Variants in ANOS1 observed in about 807,000 individuals in gnomAD.
ANOS1 encodes the protein anosmin 1.
ANOS1 carries 6 observed loss-of-function variants against 59.0 expected under a neutral mutation model. That is an observed-to-expected ratio of 0.10 (90% confidence interval 0.06 to 0.20). The LOEUF is 0.20. ANOS1 is among the 10% of genes least tolerant of loss of function. The probability of loss-of-function intolerance (pLI) is 1.00; values close to 1 mark genes in which losing one functional copy is unlikely to be tolerated. For missense variants in ANOS1, 433 were observed against 542.3 expected (o/e 0.80, Z 2.00); for synonymous variants, 217 against 223.4 (o/e 0.97, Z 0.25).
chrX:8,622,326 G>A (rs1339347093), intron 3 of ANOS1, among the ~76,000 whole-genome samples: 3 of 111,923 alleles, frequency 2.7e-5, no homozygotes, highest in African/African-American at 9.8e-5. Context: ...GTATGGGAAA[G>A]GTCAAGTAAG....
chrX:8,549,895 G>A (rs1185514234), intron 9 of ANOS1, among the ~76,000 whole-genome samples: 3 of 111,748 alleles, frequency 2.7e-5, no homozygotes, highest in Non-Finnish European at 5.6e-5. Context: ...GAAGAGTAGG[G>A]GATTGTATTA....
chrX:8,697,568 T>G (rs1184973316), intron 2 of ANOS1, among the ~76,000 whole-genome samples: 1 of 111,765 alleles, frequency 8.9e-6, no homozygotes, highest in Non-Finnish European at 1.9e-5. Flanking sequence ...ACAGGGGCTC[T>G]GAAGGAGGAG....
chrX:8,600,131 G>C (rs755214311), intron 3 of ANOS1, among the ~76,000 whole-genome samples: 20 of 111,914 alleles, frequency 1.8e-4, no homozygotes, highest in Non-Finnish European at 3.2e-4. Context: ...TAAAATATGC[G>C]TAAGAGTTGA....
intron 1 of ANOS1, among the ~76,000 whole-genome samples, chrX:8,724,223 G>A (rs902147492): frequency 8.9e-6 from 1 of 112,142 alleles, no homozygotes; most frequent in Admixed American, 9.5e-5. Flanking sequence ...GAACCGAGTT[G>A]TCTGATCAGA....
intron 6 of ANOS1, among the ~76,000 whole-genome samples, chrX:8,578,126 A>G (rs2018607): frequency 0.41 from 45,300 of 110,219 alleles, 7,382 homozygotes; most frequent in African/African-American, 0.59. Context: ...GAAACGCATC[A>G]TAAGAACACC....
At chrX:8,566,154 C>G in intron 8 of ANOS1, 2 of 753,258 alleles carry the variant, frequency 2.7e-6, no homozygotes, top group Non-Finnish European at 3.1e-6. Flanking sequence ...GATGATGTGA[C>G]TCTCATTCCC....
chrX:8,683,132 T>A (rs1412933312), intron 2 of ANOS1, among the ~76,000 whole-genome samples: 1 of 110,946 alleles, frequency 9.0e-6, no homozygotes, highest in African/African-American at 3.3e-5. Flanking sequence ...ATTGGGGCTA[T>A]GGGATTACCA....
rs1301888455 is a variant in ANOS1 at position 8,536,204 on chromosome X, TTTTTTTTTTTTTA to T, written c.1622-406_1622-394del. Among the ~76,000 whole-genome samples, 207 of 76,908 alleles carry T rather than the reference TTTTTTTTTTTTTA, an allele frequency of 2.7e-3. 7 individuals are homozygous for T. In the South Asian group the frequency reaches 0.036, roughly 13 times the overall value. 66.8% of individuals were successfully genotyped at this position (76,908 alleles called of 115,157 possible). On this transcript the variant is annotated intron_variant, in intron 11 of 13. Transcript: ENST00000262648. ...AATCCGAAGCTTTTTTTTTTTTTTT[TTTTTTTTTTTTTA>T]AAAGGTGAGATCTTGCTATGTTGCC...
chrX:8,635,847 C>A, intron 2 of ANOS1, among the ~76,000 whole-genome samples: 1 of 111,776 alleles, frequency 8.9e-6, no homozygotes, highest in Middle Eastern at 4.6e-3. Context: ...CAAAATAACT[C>A]AAGAATCCTG....
chrX:8,623,745 T>C, intron 2 of ANOS1, 75 bp from the exon 3 acceptor site: 1 of 812,721 alleles, frequency 1.2e-6, no homozygotes, highest in Middle Eastern at 2.8e-4. Flanking sequence ...AATTCACCTG[T>C]GATTGTTGCT....
At chrX:8,558,061 C>T (rs1929975369) in intron 8 of ANOS1, among the ~76,000 whole-genome samples, 1 of 110,209 alleles carries the variant, frequency 9.1e-6, no homozygotes, top group Non-Finnish European at 1.9e-5. Context: ...TCTCAGCAAA[C>T]TAACGCAGGA....
At chrX:8,556,568 C>T (rs1804508928) in intron 8 of ANOS1, among the ~76,000 whole-genome samples, 1 of 111,264 alleles carries the variant, frequency 9.0e-6, no homozygotes, top group Admixed American at 9.5e-5. Context: ...GAGTGAACTC[C>T]CATTCACAGT....
chrX:8,719,138 T>C (rs1932858835), intron 1 of ANOS1, among the ~76,000 whole-genome samples: 2 of 111,973 alleles, frequency 1.8e-5, no homozygotes, highest in Non-Finnish European at 3.8e-5. Flanking sequence ...GGGTGACACA[T>C]GTCAATATAA....
chrX:8,637,010 T>A (rs779779718), intron 2 of ANOS1, among the ~76,000 whole-genome samples: 6 of 112,570 alleles, frequency 5.3e-5, no homozygotes, highest in Non-Finnish European at 7.5e-5. Flanking sequence ...TTGAAATTTG[T>A]ACAACCTCAC....
rs11797001 is a variant in ANOS1, at chrX:8,554,377, C to T, written c.1208-279G>A. Among the ~76,000 whole-genome samples, 3,856 of 110,317 alleles carry T rather than the reference C, an allele frequency of 0.035. 73 individuals are homozygous for T. Among genetic ancestry groups the T allele is most frequent in the Non-Finnish European group, 0.055 (2,900 of 52,794 alleles). ...ACTCCCTCCCCTAGCCAAGGGAAGC[C>T]GTGAGTGAGGGACAGTGCTATCCAG... On this transcript the variant is annotated intron_variant, in intron 8 of 13. Coordinates refer to ENST00000262648, the MANE Select transcript of ANOS1 (RefSeq NM_000216.4).
intron 1 of ANOS1, among the ~76,000 whole-genome samples, chrX:8,723,108 A>G (rs1932886895): frequency 8.9e-6 from 1 of 112,585 alleles, no homozygotes; most frequent in Non-Finnish European, 1.9e-5. Context: ...TAAAAATTCT[A>G]GAAGATAACA....
intron 1 of ANOS1, among the ~76,000 whole-genome samples, chrX:8,706,414 G>A (rs1358806862): frequency 3.6e-5 from 4 of 112,480 alleles, no homozygotes; most frequent in African/African-American, 1.3e-4. Flanking sequence ...GACCCTGAAT[G>A]GACAATTTTG....
intron 2 of ANOS1, among the ~76,000 whole-genome samples, chrX:8,668,878 CA>C: frequency 9.0e-6 from 1 of 111,248 alleles, no homozygotes; most frequent in Admixed American, 9.6e-5. Context: ...GACTTTGAGT[CA>C]AAAGGTTTGG....
chrX:8,570,221 T>A (rs1930203768), intron 7 of ANOS1, among the ~76,000 whole-genome samples: 1 of 111,181 alleles, frequency 9.0e-6, no homozygotes, highest in Non-Finnish European at 1.9e-5. Context: ...AAGATGGGGA[T>A]CATTTAAACT....
Sources: gnomAD v4.1 joint callset for allele counts (sites outside exome capture counted in the v4.1 genomes callset) on GRCh38, gnomAD v4.1.1 for gene constraint, MANE v1.5 for transcripts, NCBI Gene and HGNC (gene_info 2026-07-23, HGNC 2026-07-21) for gene names.